SKAP2: variants seen among roughly 807,000 people sequenced by gnomAD.
The protein encoded by SKAP2 is src kinase associated phosphoprotein 2, also known as src kinase-associated phosphoprotein 2.
A neutral mutation model predicts 54.9 loss-of-function variants in SKAP2; 28 were observed. The ratio of observed to expected loss-of-function variants is 0.51; its 90% CI spans 0.38 to 0.70. The LOEUF is 0.70. SKAP2 is among the 30% of genes least tolerant of loss of function. The pLI is 0.00. For synonymous variants in SKAP2, 137 were observed against 134.3 expected (o/e 1.02, Z -0.14); for missense variants, 356 against 424.1 (o/e 0.84, Z 1.41).
At chr7:26,710,696 C>T (rs1456675255) in intron 9 of SKAP2, among the ~76,000 whole-genome samples, 3 of 152,146 alleles carry the variant, frequency 2.0e-5, no homozygotes, top group African/African-American at 7.2e-5. Context: ...GTAACAAATA[C>T]GCATTTTATC....
intron 4 of SKAP2, among the ~76,000 whole-genome samples, chr7:26,787,231 T>C (rs1161449864): frequency 6.6e-6 from 1 of 152,256 alleles, no homozygotes; most frequent in East Asian, 1.9e-4. Context: ...GGGTAATTTA[T>C]AAAGAAAAGA....
At chr7:26,820,597 C>T (rs968182396) in intron 4 of SKAP2, among the ~76,000 whole-genome samples, 13 of 151,958 alleles carry the variant, frequency 8.6e-5, no homozygotes, top group Non-Finnish European at 2.9e-5. Flanking sequence ...ACGATTCACC[C>T]AAATAAAAAA....
At chr7:26,823,597 T>G (rs1216978880) in intron 4 of SKAP2, among the ~76,000 whole-genome samples, 1 of 152,018 alleles carries the variant, frequency 6.6e-6, no homozygotes, top group Admixed American at 6.6e-5. Context: ...CTAACAGAGA[T>G]GAGAGCTGCA....
intron 4 of SKAP2, among the ~76,000 whole-genome samples, chr7:26,802,109 A>G (rs1355087212): frequency 6.6e-6 from 1 of 152,200 alleles, no homozygotes; most frequent in Non-Finnish European, 1.5e-5. Context: ...ATCATACTAC[A>G]GAGTTATAGT....
intron 4 of SKAP2, among the ~76,000 whole-genome samples, chr7:26,777,828 C>T (rs1319310502): frequency 6.6e-6 from 1 of 151,872 alleles, no homozygotes. Flanking sequence ...AAGGTAAAAA[C>T]AGGAAAACAG....
intron 4 of SKAP2, among the ~76,000 whole-genome samples, chr7:26,776,050 G>T (rs1339381313): frequency 3.3e-5 from 5 of 152,026 alleles, no homozygotes; most frequent in African/African-American, 1.2e-4. Context: ...ATATTCAATG[G>T]ACAATTTTTA....
intron 10 of SKAP2, among the ~76,000 whole-genome samples, 192 bp from the exon 11 acceptor site, chr7:26,685,040 A>T (rs1786600149): frequency 6.6e-6 from 1 of 152,198 alleles, no homozygotes; most frequent in African/African-American, 2.4e-5. Flanking sequence ...GACCGCTTTC[A>T]AAAAGATCTG....
At chr7:26,724,319 A>G (rs950497777) in intron 9 of SKAP2, among the ~76,000 whole-genome samples, 1 of 152,164 alleles carries the variant, frequency 6.6e-6, no homozygotes, top group Non-Finnish European at 1.5e-5. Flanking sequence ...ACTATGCTGA[A>G]AGCCTTCCAT....
intron 4 of SKAP2, among the ~76,000 whole-genome samples, chr7:26,825,822 T>C (rs182071233): frequency 3.9e-5 from 6 of 152,304 alleles, no homozygotes; most frequent in African/African-American, 1.4e-4. Context: ...TCTAATGAAC[T>C]TGAAATATCC....
chr7:26,696,533 T>A (rs1016860442), intron 9 of SKAP2, among the ~76,000 whole-genome samples: 24 of 152,292 alleles, frequency 1.6e-4, no homozygotes, highest in African/African-American at 5.8e-4. Flanking sequence ...GAAAAATTAG[T>A]ATGCTGTATC....
At chr7:26,760,321 G>A (rs961397277) in intron 4 of SKAP2, among the ~76,000 whole-genome samples, 16 of 152,006 alleles carry the variant, frequency 1.1e-4, no homozygotes, top group Non-Finnish European at 1.8e-4. Flanking sequence ...ACCCAAGAGA[G>A]TAAATGAAAT....
chr7:26,675,105 A>C (rs577925186), intron 11 of SKAP2, among the ~76,000 whole-genome samples: 6 of 152,298 alleles, frequency 3.9e-5, no homozygotes, highest in Middle Eastern at 3.4e-3. Context: ...GCCCTGGATT[A>C]CTGCATTATC....
At chr7:26,695,512 T>A (rs1230906043) in intron 9 of SKAP2, among the ~76,000 whole-genome samples, 1 of 152,238 alleles carries the variant, frequency 6.6e-6, no homozygotes, top group East Asian at 1.9e-4. Context: ...GCTGGGATTT[T>A]AACTTTAGGC....
chr7:26,690,427 C>A (rs1208889913), intron 9 of SKAP2, 65 bp from the exon 10 acceptor site: 1 of 1,008,352 alleles, frequency 9.9e-7, no homozygotes, highest in African/African-American at 1.6e-5. Flanking sequence ...ACAGTACTCA[C>A]TCAATTTTAA....
At chr7:26,778,487 A>G (rs1021451244) in intron 4 of SKAP2, among the ~76,000 whole-genome samples, 1 of 152,106 alleles carries the variant, frequency 6.6e-6, no homozygotes, top group African/African-American at 2.4e-5. Context: ...CATAAAGAAC[A>G]GCAAAGAACT....
chr7:26,670,024 G>C (rs1365206001), intron 12 of SKAP2, 67 bp downstream of exon 12: 27 of 664,986 alleles, frequency 4.1e-5, no homozygotes, highest in Non-Finnish European at 6.9e-5. Context: ...AAAAGGCAAA[G>C]ACTCATAACG....
At chr7:26,793,429 G>A (rs1783710220) in intron 4 of SKAP2, among the ~76,000 whole-genome samples, 1 of 152,156 alleles carries the variant, frequency 6.6e-6, no homozygotes, top group East Asian at 1.9e-4. Context: ...ACAGTTTGTG[G>A]AAGGACTGAT....
intron 4 of SKAP2, among the ~76,000 whole-genome samples, chr7:26,801,290 T>C (rs1317590218): frequency 1.3e-5 from 2 of 152,172 alleles, no homozygotes; most frequent in Non-Finnish European, 2.9e-5. Flanking sequence ...GAAAAGGCAT[T>C]TGATAAAATT....
At chr7:26,761,976 G>T (rs1157276947) in intron 4 of SKAP2, among the ~76,000 whole-genome samples, 1 of 152,138 alleles carries the variant, frequency 6.6e-6, no homozygotes, top group Non-Finnish European at 1.5e-5. Context: ...AGAGAAGTTT[G>T]CCAGCAGCTA....
Sources: allele counts gnomAD v4.1 joint callset (sites outside exome capture counted in the v4.1 genomes callset), GRCh38; gene constraint gnomAD v4.1.1; transcripts MANE v1.5; gene names NCBI Gene and HGNC (gene_info 2026-07-23, HGNC 2026-07-21).